Variants in ALDH1L1 observed in about 807,000 individuals in gnomAD.
ALDH1L1 encodes the protein cytosolic 10-formyltetrahydrofolate dehydrogenase.
Under a neutral mutation model 101.1 loss-of-function variants are expected in ALDH1L1, and 68 were observed. The ratio of observed to expected loss-of-function variants is 0.67; its 90% CI spans 0.55 to 0.82. ALDH1L1 has a LOEUF of 0.82. ALDH1L1 is among the 40% of genes least tolerant of loss of function. The pLI is 0.00. For missense variants in ALDH1L1, 1,087 were observed against 1,172.7 expected (o/e 0.93, Z 1.07); for synonymous variants, 486 against 470.8 (o/e 1.03, Z -0.42).
chr3:126,153,567 G>A lies in ALDH1L1; in HGVS notation c.735C>T (p.Phe245=). 1 of 1,610,956 alleles carries A rather than the reference G, an allele frequency of 6.2e-7. No individual in the cohort carries two copies. Among genetic ancestry groups the A allele is most frequent in the Non-Finnish European group, 8.5e-7 (1 of 1,178,570 alleles). ...GGCCTGAAGTGTTCAGCGTTGAGTT[G>A]AAAAATGTCAGTTTCTGTCAAGGGG... is the stretch of plus-strand genomic sequence containing the variant. ...TEACEQKLTF[F]NSTLNTSGLV... Residue 245 remains phenylalanine (F), a synonymous_variant, in exon 7 of 23, where the codon TTC becomes TTT. Coordinates refer to ENST00000393434, the MANE Select transcript of ALDH1L1 (RefSeq NM_012190.4).
chr3:126,180,848 AGCAGGGCTG>A, upstream of ALDH1L1: 1 of 1,553,080 alleles, frequency 6.4e-7, no homozygotes, highest in East Asian at 2.4e-5. Context: ...CCAAGCACCC[AGCAGGGCTG>A]GCAGTTCTGA....
chr3:126,193,885 AC>A (rs1045098524), intron 1 of ALDH1L1, among the ~76,000 whole-genome samples: 1 of 152,210 alleles, frequency 6.6e-6, no homozygotes, highest in Non-Finnish European at 1.5e-5. Flanking sequence ...CAATTTTATA[AC>A]CTAGTCAGTC....
upstream of ALDH1L1, among the ~76,000 whole-genome samples, chr3:126,184,764 T>G (rs999457740): frequency 1.3e-5 from 2 of 152,348 alleles, no homozygotes; most frequent in South Asian, 4.1e-4. Flanking sequence ...AGCTTGTTTT[T>G]GGGGAATCAG....
Position 126,150,477 on chromosome 3 carries a change from A to T in ALDH1L1, c.913T>A (p.Phe305Ile), listed in dbSNP as rs2080786738. Residue 305 changes from phenylalanine to isoleucine, a missense_variant, in exon 8 of 23, where the codon TTC becomes ATC. Phe to Ile is a conservative substitution (Grantham distance 21, BLOSUM62 0). This residue lies in a region of ALDH1L1 where 645 missense variants were observed against 637.0 expected (regional missense o/e 1.01). Transcript: ENST00000393434. Reference sequence around the variant, plus strand: ...ACACTGCTGGCTGCCCCCTTAAAGAAGTTCGAGGCCAGGATCATTTTGCCA... The same window carrying T: ...ACACTGCTGGCTGCCCCCTTAAAGATGTTCGAGGCCAGGATCATTTTGCCA... The part of the protein sequence containing the change: ...EDGKMILASN[F>I]FKGAASSVLE... The T allele has an allele frequency of 6.4e-7, 1 of 1,551,494 alleles. No homozygotes were observed. Among genetic ancestry groups the T allele is most frequent in the South Asian group, 1.2e-5 (1 of 84,062 alleles).
At position 126,131,332 on chromosome 3, in the gene ALDH1L1, ATGGCTGGGC is replaced by A; in HGVS notation, c.1623+43_1623+51del. ...TGTGCTGCCCTTGGAGTTCTCCTAT[ATGGCTGGGC>A]CAGTCTGCATGTGCTCACACTGGGT... is the stretch of plus-strand genomic sequence containing the variant. On this transcript the variant is annotated intron_variant, in intron 13 of 22. Coordinates refer to ENST00000393434, the MANE Select transcript of ALDH1L1 (RefSeq NM_012190.4). 3 of 1,507,378 alleles carry A rather than the reference ATGGCTGGGC, an allele frequency of 2.0e-6. No individual in the cohort carries two copies. The African/African-American group carries it at 4.1e-5, about 21-fold the overall frequency. 93.4% of individuals were successfully genotyped at this position (1,507,378 alleles called of 1,614,324 possible).
intron 1 of ALDH1L1, among the ~76,000 whole-genome samples, chr3:126,195,911 A>G (rs371772494): frequency 6.6e-6 from 1 of 152,282 alleles, no homozygotes; most frequent in South Asian, 2.1e-4. Flanking sequence ...GAACCGAACA[A>G]TGAGAACACT....
intron 12 of ALDH1L1, among the ~76,000 whole-genome samples, chr3:126,133,049 G>T (rs1034353503): frequency 6.6e-6 from 1 of 152,228 alleles, no homozygotes; most frequent in Non-Finnish European, 1.5e-5. Flanking sequence ...CTCCCCAGCT[G>T]CGAAGACAGG....
chr3:126,187,577 C>T (rs1463431698), intron 1 of ALDH1L1, among the ~76,000 whole-genome samples: 2 of 152,020 alleles, frequency 1.3e-5, no homozygotes, highest in East Asian at 1.9e-4. Flanking sequence ...TACAGTGGGG[C>T]GAAACTGCGC....
chr3:126,155,751 G>A, intron 4 of ALDH1L1: 2 of 399,514 alleles, frequency 5.0e-6, no homozygotes, highest in Non-Finnish European at 8.9e-6. Context: ...TACATCTTCT[G>A]ATATCTTAGA....
At chr3:126,118,148 G>A (rs934082474) in intron 16 of ALDH1L1, 50 bp from the exon 17 acceptor site, 5 of 1,505,150 alleles carry the variant, frequency 3.3e-6, no homozygotes, top group African/African-American at 1.4e-5. Flanking sequence ...TGGTGCTGGG[G>A]AGGCAGGAGC....
intron 1 of ALDH1L1, among the ~76,000 whole-genome samples, chr3:126,187,110 C>G (rs182127170): frequency 1.3e-5 from 2 of 152,040 alleles, no homozygotes; most frequent in African/African-American, 4.8e-5. Context: ...GGGAAGGTAA[C>G]AAGAGAAGGT....
chr3:126,117,925 C>A (rs942746325), intron 17 of ALDH1L1, 80 bp downstream of exon 17: 97 of 1,367,976 alleles, frequency 7.1e-5, no homozygotes, highest in Middle Eastern at 1.8e-4. Flanking sequence ...GGAAGCAGGA[C>A]ACAGCTCCTG....
chr3:126,164,241 T>G (rs1387561236), intron 1 of ALDH1L1, among the ~76,000 whole-genome samples: 1 of 152,192 alleles, frequency 6.6e-6, no homozygotes, highest in Non-Finnish European at 1.5e-5. Flanking sequence ...AAATGTCCTA[T>G]TCAGGTTTTG....
intron 20 of ALDH1L1, among the ~76,000 whole-genome samples, chr3:126,109,341 G>A (rs1156935617): frequency 6.6e-6 from 1 of 152,186 alleles, no homozygotes; most frequent in Non-Finnish European, 1.5e-5. Context: ...GCAGGTGTGT[G>A]TGTCTGGGCT....
At position 126,114,580 on chromosome 3, in the gene ALDH1L1, C is replaced by A. The variant is rs765800160; in HGVS notation, c.2059G>T (p.Asp687Tyr). The A allele has an allele frequency of 6.6e-7, 1 of 1,509,758 alleles. No individual in the cohort carries two copies. The highest frequency in any genetic ancestry group is 2.3e-5 in the East Asian group (1 of 43,688). 93.5% of individuals were successfully genotyped at this position (1,509,758 alleles called of 1,614,324 possible). ...ACCATCTGCACAGCCTTGTTGAGGT[C>A]ACAGTCAGCAAAGATGATGAGGGGT... ...KSPLIIFADC[D>Y]LNKAVQMGMS... Residue 687 changes from aspartate to tyrosine, a missense_variant, in exon 18 of 23, where the codon GAC (aspartate) becomes TAC (tyrosine). Around this residue, in one of 2 missense-constraint regions of ALDH1L1, gnomAD observed 442 missense variants for 535.7 expected, o/e 0.83. Transcript: ENST00000393434.
chr3:126,109,592 T>C (rs1352949875), intron 20 of ALDH1L1, among the ~76,000 whole-genome samples: 1 of 151,788 alleles, frequency 6.6e-6, no homozygotes. Flanking sequence ...AGAGAACAGG[T>C]GAAGCAACGG....
At position 126,135,551 on chromosome 3, in the gene ALDH1L1, C is replaced by T. The variant is rs779634191; in HGVS notation, c.1456G>A (p.Gly486Ser). 8.7e-6 allele frequency: 14 copies of T among 1,608,474 alleles called. No individual in the cohort carries two copies. Among genetic ancestry groups the T allele is most frequent in the Non-Finnish European group, 1.1e-5 (13 of 1,178,162 alleles). Residue 486 changes from glycine to serine, a missense_variant, in exon 12 of 23, where the codon GGC becomes AGC. Around this residue, in one of 2 missense-constraint regions of ALDH1L1, gnomAD observed 645 missense variants for 637.0 expected, o/e 1.01. Coordinates refer to ENST00000393434, the MANE Select transcript of ALDH1L1 (RefSeq NM_012190.4). ...RWGKISARDRGRLMYRLADLM... is the reference protein window; with the variant it reads ...RWGKISARDRSRLMYRLADLM... ...GGCTCCCACCTGTACATCAGCCGGCCCCGGTCCCGCGCACTGATCTTCCCC... is the reference window on the plus strand; with the variant it reads ...GGCTCCCACCTGTACATCAGCCGGCTCCGGTCCCGCGCACTGATCTTCCCC...
At chr3:126,160,020 G>C (rs1263935760) in intron 2 of ALDH1L1, among the ~76,000 whole-genome samples, 1 of 152,198 alleles carries the variant, frequency 6.6e-6, no homozygotes, top group African/African-American at 2.4e-5. Context: ...AGAAGGACCA[G>C]TCAGTGTTCC....
At chr3:126,159,337 TC>T in intron 2 of ALDH1L1, 1 of 427,866 alleles carries the variant, frequency 2.3e-6, no homozygotes, top group Non-Finnish European at 4.7e-6. Context: ...AGGCCCAAGC[TC>T]CCAAGTTTTT....
Sources: gnomAD v4.1 joint callset for allele counts (sites outside exome capture counted in the v4.1 genomes callset) on GRCh38, gnomAD v4.1.1 for gene constraint, gnomAD v4.1.1 regional missense constraint, MANE v1.5 for transcripts, NCBI Gene and HGNC (gene_info 2026-07-23, HGNC 2026-07-21) for gene names.